Variants in DMRT2 observed in about 807,000 individuals in gnomAD.
DMRT2 encodes the protein doublesex- and mab-3-related transcription factor 2.
Under a neutral mutation model 43.5 loss-of-function variants are expected in DMRT2, and 33 were observed. The observed-to-expected ratio is 0.76, with a 90% confidence interval of 0.58 to 1.01. DMRT2 has a LOEUF of 1.01. Among genes scored for constraint, DMRT2 ranks in the 50% least tolerant of loss-of-function variants. The pLI is 0.00. For missense variants in DMRT2, 1,064 were observed against 748.0 expected, an observed-to-expected ratio of 1.42 and a Z score of -4.93; for synonymous variants, 395 against 309.2, an observed-to-expected ratio of 1.28 and a Z score of -2.91.
chr9:1,056,895 C>G lies in DMRT2; in HGVS notation c.1308C>G (p.Phe436Leu), dbSNP rs778628435. ...RSAFSPPRRN[F>L]SPIVDTDSLA... is the part of the protein sequence containing the mutation. ...CGTTCTCCCCACCCCGACGGAATTTCTCTCCCATTGTTGACACGGACTCCC... is the reference window on the plus strand; with the variant it reads ...CGTTCTCCCCACCCCGACGGAATTTGTCTCCCATTGTTGACACGGACTCCC... Residue 436 changes from phenylalanine (F) to leucine (L), a missense_variant, in exon 4 of 4, where the codon TTC becomes TTG. Coordinates refer to ENST00000358146, the MANE Select transcript of DMRT2 (RefSeq NM_181872.6). The G allele has an allele frequency of 6.2e-7, 1 of 1,614,140 alleles. No individual in the cohort carries two copies. The highest frequency in any genetic ancestry group is 1.3e-5 in the African/African-American group (1 of 75,010).
At chr9:1,052,700 C>G (rs1284933233) in intron 2 of DMRT2, among the ~76,000 whole-genome samples, 2 of 152,274 alleles carry the variant, frequency 1.3e-5, no homozygotes, top group East Asian at 3.9e-4. Context: ...GCTACTGTCC[C>G]TGCAAACTAC....
At chr9:1,055,205 T>C (rs936115056) in intron 3 of DMRT2, among the ~76,000 whole-genome samples, 1 of 152,232 alleles carries the variant, frequency 6.6e-6, no homozygotes, top group Non-Finnish European at 1.5e-5. Flanking sequence ...TTTCAAATTT[T>C]ATTTTATTTG....
At chr9:1,056,025 G>T in intron 3 of DMRT2, 191 bp from the exon 4 acceptor site, 1 of 1,420,960 alleles carries the variant, frequency 7.0e-7, no homozygotes, top group Non-Finnish European at 9.1e-7. Context: ...TTGCAGTATG[G>T]ATATCTTTCA....
intron 3 of DMRT2, 101 bp from the exon 4 acceptor site, chr9:1,056,115 A>C: frequency 6.6e-7 from 1 of 1,511,476 alleles, no homozygotes; most frequent in Non-Finnish European, 8.8e-7. Flanking sequence ...ACTGTAAATA[A>C]TTGTTCTGCT....
At chr9:1,055,629 CA>C in intron 3 of DMRT2, 1 of 1,261,896 alleles carries the variant, frequency 7.9e-7, no homozygotes, top group South Asian at 2.2e-5. Flanking sequence ...CAGCTCTTTT[CA>C]ATTTTCTATG....
chr9:1,052,594 C>A (rs150350555), intron 2 of DMRT2, among the ~76,000 whole-genome samples: 72 of 152,042 alleles, frequency 4.7e-4, no homozygotes, highest in African/African-American at 1.6e-3. Flanking sequence ...TCAGCTGTCA[C>A]CTGGACGTTT....
rs1163354125 is a variant in DMRT2, at chr9:1,056,535, T to C, written c.948T>C (p.Ser316=). ...CLDLTMQYSG[S]GNMELISSNV... ...ATTTAACCATGCAGTATTCAGGGTC[T>C]GGGAATATGGAACTAATTTCTTCTA... is the stretch of plus-strand genomic sequence containing the variant. Residue 316 remains serine, a synonymous_variant, in exon 4 of 4, where the codon TCT becomes TCC. Coordinates refer to ENST00000358146, the MANE Select transcript of DMRT2 (RefSeq NM_181872.6). 1 of 1,614,210 alleles carries C rather than the reference T, an allele frequency of 6.2e-7. No individual in the cohort carries two copies. Among genetic ancestry groups the C allele is most frequent in the Non-Finnish European group, 8.5e-7 (1 of 1,180,038 alleles).
intron 3 of DMRT2, chr9:1,055,829 AG>A (rs1821943995): frequency 6.6e-7 from 1 of 1,518,884 alleles, no homozygotes; most frequent in African/African-American, 1.5e-5. Context: ...TAATGAAAAA[AG>A]ATGACATGGA....
Position 1,056,427 on chromosome 9 carries a change from C to T in DMRT2, c.840C>T (p.Tyr280=). The T allele has an allele frequency of 1.2e-6, 2 of 1,614,232 alleles. No homozygotes were observed. Among genetic ancestry groups the T allele is most frequent in the African/African-American group, 1.3e-5 (1 of 75,064 alleles). Residue 280 remains tyrosine (Y), a synonymous_variant, in exon 4 of 4, where the codon TAC becomes TAT. Transcript: ENST00000358146. ...ACCGCATGGTGCCTGGACCTGACTACAATTCCTACAAAAGTGCCTACAGCC... is the reference window on the plus strand; with the variant it reads ...ACCGCATGGTGCCTGGACCTGACTATAATTCCTACAAAAGTGCCTACAGCC... The part of the protein sequence containing the change: ...LPNRMVPGPD[Y]NSYKSAYSPS...
intron 3 of DMRT2, chr9:1,055,700 C>A (rs1821931185): frequency 5.5e-6 from 8 of 1,464,106 alleles, no homozygotes; most frequent in Admixed American, 5.1e-5. Context: ...CTTTAACTTT[C>A]TTTCTTTCTC....
rs903691326 is a variant in DMRT2 at position 1,050,648 on chromosome 9, G to C, written c.-172G>C. 4.6e-5 allele frequency: 7 copies of C among 152,414 alleles called. No homozygotes were observed. Among genetic ancestry groups the C allele is most frequent in the Admixed American group, 3.3e-4 (5 of 15,278 alleles). 9.4% of individuals were successfully genotyped at this position (152,414 alleles called of 1,614,324 possible). ...GTTCGTTCCGGGCCTCCAGCTATCA[G>C]CTCCCGATCTCGTGTTTGAGGGTAG... On this transcript the variant is annotated 5_prime_UTR_variant, in exon 1 of 4. Coordinates refer to ENST00000358146, the MANE Select transcript of DMRT2 (RefSeq NM_181872.6).
At chr9:1,052,879 C>G (rs1821701136) in intron 2 of DMRT2, 1 of 152,336 alleles carries the variant, frequency 6.6e-6, no homozygotes, top group South Asian at 2.1e-4. Context: ...GGGCCTCCTC[C>G]CAGACTCAGG....
rs1822026978 is a variant in DMRT2, at chr9:1,056,791, C to T, written c.1204C>T (p.Leu402=). 2 of 1,614,128 alleles carry T rather than the reference C, an allele frequency of 1.2e-6. No homozygotes were observed. Among genetic ancestry groups the T allele is most frequent in the East Asian group, 4.5e-5 (2 of 44,852 alleles). The part of the protein sequence containing the change: ...DMMPSKLEGS[L]VLPHTPEIQT... ...GATGCCATCGAAATTGGAAGGTTCC[C>T]TGGTGCTGCCTCACACTCCTGAGAT... Residue 402 remains leucine, a synonymous_variant, in exon 4 of 4, where the codon CTG becomes TTG. Coordinates refer to ENST00000358146, the MANE Select transcript of DMRT2 (RefSeq NM_181872.6).
rs1821928401 is a variant in DMRT2 at position 1,055,674 on chromosome 9, T to C, written c.629-542T>C. On this transcript the variant is annotated intron_variant, in intron 3 of 3. Coordinates refer to ENST00000358146, the MANE Select transcript of DMRT2 (RefSeq NM_181872.6). ...TTTTCTTAAGCCTTTTTTTTCTTTT[T>C]CTACTCGCTAATCTCCTTTAACTTT... 3 of 1,445,096 alleles carry C rather than the reference T, an allele frequency of 2.1e-6. No homozygotes were observed. The South Asian group carries it at 4.5e-5, about 22-fold the overall frequency. The allele number at this position is 1,445,096 out of a possible 1,614,324, so 89.5% of individuals were successfully genotyped here. A position where few individuals can be genotyped will look rare whatever the true frequency, so the allele number is the denominator to read the frequency against.
chr9:1,055,890 G>C, intron 3 of DMRT2: 1 of 1,488,472 alleles, frequency 6.7e-7, no homozygotes, highest in Non-Finnish European at 8.9e-7. Context: ...GTCTCTTAAT[G>C]CGTAGGGGGC....
chr9:1,055,561 G>C (rs545089204), intron 3 of DMRT2, among the ~76,000 whole-genome samples: 1 of 152,030 alleles, frequency 6.6e-6, no homozygotes, highest in Non-Finnish European at 1.5e-5. Flanking sequence ...TTTTGTAGTG[G>C]TATCAGGGGA....
intron 2 of DMRT2, chr9:1,053,169 AGGC>A (rs373900936): frequency 1.7e-4 from 26 of 152,690 alleles, no homozygotes; most frequent in African/African-American, 5.8e-4. Context: ...GTGACTGCAG[AGGC>A]GAGGGTGGGT....
Position 1,057,270 on chromosome 9 carries a change from G to C in DMRT2, c.1683G>C (p.Gln561His). The C allele has an allele frequency of 6.2e-7, 1 of 1,603,366 alleles. No homozygotes were observed. Among genetic ancestry groups the C allele is most frequent in the Non-Finnish European group, 8.5e-7 (1 of 1,175,804 alleles). Reference protein sequence around the residue: ...RPSSAITRVSQ With the variant: ...RPSSAITRVSH Reference sequence around the variant, plus strand: ...CATCTGCCATCACTCGTGTCTCTCAGTGAAAGGCTGCTTAAACAGAAAGCT... The same window carrying C: ...CATCTGCCATCACTCGTGTCTCTCACTGAAAGGCTGCTTAAACAGAAAGCT... The change falls in exon 4 of 4, where the codon CAG becomes CAC. Residue 561 changes from glutamine to histidine, a missense_variant. Transcript: ENST00000358146.
Position 1,056,394 on chromosome 9 carries a change from T to C in DMRT2, c.807T>C (p.Phe269=), listed in dbSNP as rs538794732. ...MLETSQAAAL[F]LPNRMVPGPD... ...AAACTTCTCAAGCTGCTGCTCTGTTTCTGCCCAACCGCATGGTGCCTGGAC... is the reference window on the plus strand; with the variant it reads ...AAACTTCTCAAGCTGCTGCTCTGTTCCTGCCCAACCGCATGGTGCCTGGAC... The change falls in exon 4 of 4, where the codon TTT becomes TTC. Residue 269 remains phenylalanine (F), a synonymous_variant. Coordinates refer to ENST00000358146, the MANE Select transcript of DMRT2 (RefSeq NM_181872.6). The C allele has an allele frequency of 8.0e-5, 129 of 1,614,220 alleles. No individual in the cohort carries two copies. Among genetic ancestry groups the C allele is most frequent in the South Asian group, 5.8e-4 (53 of 91,080 alleles).
Sources: gnomAD v4.1 joint callset for allele counts (sites outside exome capture counted in the v4.1 genomes callset) on GRCh38, gnomAD v4.1.1 for gene constraint, MANE v1.5 for transcripts, NCBI Gene and HGNC (gene_info 2026-07-23, HGNC 2026-07-21) for gene names.